The following ERP44 variants were observed in gnomAD, a reference collection of about 807,000 sequenced individuals.
ERP44 encodes the protein endoplasmic reticulum resident protein 44.
A neutral mutation model predicts 53.4 loss-of-function variants in ERP44; 25 were observed. The observed-to-expected ratio is 0.47, with a 90% CI of 0.34 to 0.65. The LOEUF is 0.65. ERP44 is among the 30% of genes least tolerant of loss of function. The pLI is 0.01. For synonymous variants in ERP44, 145 were observed against 161.2 expected (o/e 0.90, Z 0.76); for missense variants, 338 against 493.2 (o/e 0.69, Z 2.98).
At chr9:100,020,223 G>A (rs148305245) in intron 6 of ERP44, among the ~76,000 whole-genome samples, 1 of 152,304 alleles carries the variant, frequency 6.6e-6, no homozygotes, top group African/African-American at 2.4e-5. Flanking sequence ...AAAGGTGGTG[G>A]AGAGATGGAG....
intron 5 of ERP44, among the ~76,000 whole-genome samples, chr9:100,020,999 T>C (rs147228098): frequency 8.0e-4 from 122 of 152,320 alleles, no homozygotes; most frequent in Admixed American, 1.3e-3. Context: ...ATTTGATCAG[T>C]GACAATCTTT....
At chr9:100,000,246 G>A (rs1042248884) in intron 10 of ERP44, among the ~76,000 whole-genome samples, 12 of 151,698 alleles carry the variant, frequency 7.9e-5, no homozygotes, top group African/African-American at 2.9e-4. Context: ...AAACCAGCCT[G>A]GAAAACAGCA....
intron 10 of ERP44, among the ~76,000 whole-genome samples, chr9:99,993,680 A>C (rs986724635): frequency 2.0e-5 from 3 of 152,242 alleles, no homozygotes; most frequent in African/African-American, 4.8e-5. Context: ...ATTAAACTAA[A>C]GAGCTTCTGC....
At chr9:99,988,182 G>A (rs1830215523) in intron 10 of ERP44, among the ~76,000 whole-genome samples, 1 of 152,102 alleles carries the variant, frequency 6.6e-6, no homozygotes, top group Admixed American at 6.5e-5. Flanking sequence ...TAATGATGTT[G>A]AGCACCCTTC....
At chr9:99,988,853 T>C (rs1830222879) in intron 10 of ERP44, among the ~76,000 whole-genome samples, 2 of 152,188 alleles carry the variant, frequency 1.3e-5, no homozygotes, top group African/African-American at 4.8e-5. Context: ...CCAATGATCT[T>C]AGCAAACGGC....
chr9:100,007,543 A>T (rs368620789), intron 9 of ERP44, 35 bp downstream of exon 9: 1 of 1,021,558 alleles, frequency 9.8e-7, no homozygotes, highest in Non-Finnish European at 1.6e-6. Flanking sequence ...AAAGAGAGAA[A>T]GAAATGATGA....
At chr9:100,022,013 TG>T (rs749311038) in intron 5 of ERP44, 28 bp downstream of exon 5, 1 of 1,590,160 alleles carries the variant, frequency 6.3e-7, no homozygotes, top group Admixed American at 1.7e-5. Flanking sequence ...AGGGAATGTT[TG>T]TTTAATCTAG....
intron 10 of ERP44, among the ~76,000 whole-genome samples, chr9:99,999,742 A>G (rs979054641): frequency 2.0e-5 from 3 of 152,144 alleles, no homozygotes; most frequent in Non-Finnish European, 4.4e-5. Flanking sequence ...GTCATATCCA[A>G]AAATTTGTGG....
chr9:99,985,699 A>G (rs1039571038), intron 10 of ERP44, among the ~76,000 whole-genome samples: 3 of 152,158 alleles, frequency 2.0e-5, no homozygotes, highest in Admixed American at 6.5e-5. Flanking sequence ...AGGGCATAGC[A>G]TTTTCATGTT....
At chr9:100,063,408 G>C (rs1178468578) in intron 1 of ERP44, among the ~76,000 whole-genome samples, 2 of 152,146 alleles carry the variant, frequency 1.3e-5, no homozygotes, top group Non-Finnish European at 2.9e-5. Flanking sequence ...TGAAGGGAAA[G>C]ACGGGTTGTT....
intron 4 of ERP44, among the ~76,000 whole-genome samples, chr9:100,046,897 C>T (rs118005108): frequency 1.1e-3 from 167 of 152,166 alleles, no homozygotes; most frequent in African/African-American, 2.6e-3. Context: ...TAGTAATCTA[C>T]GAAGTACTGG....
intron 1 of ERP44, among the ~76,000 whole-genome samples, chr9:100,067,498 T>C (rs1826227940): frequency 6.6e-6 from 1 of 152,184 alleles, no homozygotes; most frequent in African/African-American, 2.4e-5. Flanking sequence ...CAGTGCTCAA[T>C]GGTGCCCAGG....
chr9:100,061,436 T>G (rs1275200180), intron 1 of ERP44, among the ~76,000 whole-genome samples: 1 of 149,820 alleles, frequency 6.7e-6, no homozygotes, highest in Non-Finnish European at 1.5e-5. Context: ...AGAGCAAGAC[T>G]CCGTCTCAAA....
intron 10 of ERP44, among the ~76,000 whole-genome samples, chr9:99,990,862 A>G (rs901388740): frequency 1.3e-5 from 2 of 152,236 alleles, no homozygotes; most frequent in African/African-American, 2.4e-5. Flanking sequence ...CAGGGGTTGC[A>G]ATCCTAATCT....
chr9:100,031,003 T>C (rs762877472), intron 4 of ERP44, among the ~76,000 whole-genome samples: 2 of 152,198 alleles, frequency 1.3e-5, no homozygotes, highest in African/African-American at 2.4e-5. Context: ...CAATTCCATA[T>C]TGCATACTAA....
At chr9:99,996,161 T>TGA (rs1357433603) in intron 10 of ERP44, among the ~76,000 whole-genome samples, 1 of 152,150 alleles carries the variant, frequency 6.6e-6, no homozygotes. Context: ...TGGTGCCTAA[T>TGA]GAGAGGTATT....
intron 11 of ERP44, among the ~76,000 whole-genome samples, chr9:99,983,741 C>A (rs1830172032): frequency 6.6e-6 from 1 of 152,142 alleles, no homozygotes; most frequent in African/African-American, 2.4e-5. Context: ...AATGTGTCTA[C>A]AAACTTATCA....
intron 1 of ERP44, among the ~76,000 whole-genome samples, chr9:100,085,473 A>G (rs1826469522): frequency 6.6e-6 from 1 of 152,278 alleles, no homozygotes; most frequent in Admixed American, 6.5e-5. Context: ...AGTAGTAAAT[A>G]CTACATATGC....
In ERP44 at chr9:99,980,523, C is replaced by G. The variant is rs1830137847; in HGVS notation, c.*2089G>C. On this transcript the variant is annotated 3_prime_UTR_variant, in exon 12 of 12. Transcript: ENST00000262455. ...TATCCACGCTGTCCTTTCATCCAAGCACTTGAGCTTAGTGACTTTTTATAA... is the reference window on the plus strand; with the variant it reads ...TATCCACGCTGTCCTTTCATCCAAGGACTTGAGCTTAGTGACTTTTTATAA... 1 of 152,864 alleles carries G rather than the reference C, an allele frequency of 6.5e-6. No homozygotes were observed. The highest frequency in any genetic ancestry group is 6.5e-5 in the Admixed American group (1 of 15,298). The allele number at this position is 152,864 out of a possible 1,614,324, so 9.5% of individuals were successfully genotyped here. A position where few individuals can be genotyped will look rare whatever the true frequency, so the allele number is the denominator to read the frequency against.
Sources: gnomAD v4.1 joint callset for allele counts (sites outside exome capture counted in the v4.1 genomes callset) on GRCh38, gnomAD v4.1.1 for gene constraint, MANE v1.5 for transcripts, NCBI Gene and HGNC (gene_info 2026-07-23, HGNC 2026-07-21) for gene names.